Variants in L2HGDH observed in about 807,000 individuals in gnomAD.
The protein encoded by L2HGDH is L-2-hydroxyglutarate dehydrogenase.
In L2HGDH, 34 loss-of-function variants were observed where a neutral mutation model predicts 51.5. The ratio of observed to expected loss-of-function variants is 0.66; its 90% CI spans 0.50 to 0.88. L2HGDH has a LOEUF of 0.88. Ranked by LOEUF, L2HGDH falls within the 40% of genes least tolerant of loss-of-function variation. The pLI is 0.00. For synonymous variants in L2HGDH, 198 were observed against 197.9 expected, an observed-to-expected ratio of 1.00 and a Z score of -0.01; for missense variants, 558 against 571.9, an observed-to-expected ratio of 0.98 and a Z score of 0.25.
At chr14:50,301,684 T>C (rs772294445) in intron 3 of L2HGDH, among the ~76,000 whole-genome samples, 11 of 152,160 alleles carry the variant, frequency 7.2e-5, no homozygotes, top group Non-Finnish European at 1.0e-4. Flanking sequence ...AAATGGGAAG[T>C]GACTGCTAAT....
chr14:50,244,764 G>C lies in L2HGDH; in HGVS notation c.*2294C>G, dbSNP rs1262381410. The C allele has an allele frequency of 1.0e-6, 1 of 985,228 alleles. No homozygotes were observed. Among genetic ancestry groups the C allele is most frequent in the Non-Finnish European group, 1.2e-6 (1 of 829,912 alleles). The allele number at this position is 985,228 out of a possible 1,614,324, so 61.0% of individuals were successfully genotyped here. On this transcript the variant is annotated 3_prime_UTR_variant, in exon 10 of 10. Transcript: ENST00000267436. ...TCAATGCTTGAAGTGAGGGGAAAAGGAAGAAAACAGAAACATTTTTCCTAT... is the reference window on the plus strand; with the variant it reads ...TCAATGCTTGAAGTGAGGGGAAAAGCAAGAAAACAGAAACATTTTTCCTAT...
chr14:50,268,970 T>G (rs1889509850), intron 7 of L2HGDH, among the ~76,000 whole-genome samples, 193 bp downstream of exon 7: 1 of 152,122 alleles, frequency 6.6e-6, no homozygotes, highest in Admixed American at 6.6e-5. Flanking sequence ...TGCAGGCAAT[T>G]AATTACAATT....
In L2HGDH at chr14:50,294,251, A is replaced by C. The variant is rs1047888129; in HGVS notation, c.409-5T>G. Reference sequence around the variant, plus strand: ...TTGTTCAACAGCTACTATAAGCTTCAAAAAAAAAAAGGTAAGGAGCATGGA... The same window carrying C: ...TTGTTCAACAGCTACTATAAGCTTCCAAAAAAAAAAGGTAAGGAGCATGGA... On this transcript the variant is annotated splice_region_variant and splice_polypyrimidine_tract_variant and intron_variant, in intron 3 of 9. Coordinates refer to ENST00000267436, the MANE Select transcript of L2HGDH (RefSeq NM_024884.3). The C allele has an allele frequency of 1.1e-6, 1 of 889,416 alleles. No individual in the cohort carries two copies. Among genetic ancestry groups the C allele is most frequent in the Non-Finnish European group, 1.6e-6 (1 of 631,898 alleles). 55.1% of individuals were successfully genotyped at this position (889,416 alleles called of 1,614,324 possible).
At chr14:50,311,883 A>T in intron 1 of L2HGDH, 128 bp downstream of exon 1, 1 of 1,251,722 alleles carries the variant, frequency 8.0e-7, no homozygotes, top group Non-Finnish European at 1.1e-6. Context: ...CCGAGGTTGG[A>T]GTGCCACAGG....
chr14:50,247,563 A>G (rs1451995962), intron 9 of L2HGDH, among the ~76,000 whole-genome samples: 1 of 152,244 alleles, frequency 6.6e-6, no homozygotes, highest in Non-Finnish European at 1.5e-5. Context: ...ACACTTAATT[A>G]GAACAGGTAT....
At chr14:50,254,893 T>C (rs1888570671) in intron 9 of L2HGDH, among the ~76,000 whole-genome samples, 1 of 151,132 alleles carries the variant, frequency 6.6e-6, no homozygotes, top group Admixed American at 6.6e-5. Flanking sequence ...AAAAAATCAA[T>C]CAGGCGTGGT....
intron 8 of L2HGDH, among the ~76,000 whole-genome samples, chr14:50,266,441 G>A (rs761458888): frequency 2.0e-5 from 3 of 152,096 alleles, no homozygotes; most frequent in Non-Finnish European, 4.4e-5. Flanking sequence ...CCAGGAGTTC[G>A]AGACCAGGCT....
rs371123059 is a variant in L2HGDH at position 50,302,990 on chromosome 14, G to A, written c.168C>T (p.Gly56=). 2.4e-5 allele frequency: 38 copies of A among 1,612,644 alleles called. No individual in the cohort carries two copies. Among genetic ancestry groups the A allele is most frequent in the African/African-American group, 1.9e-4 (14 of 74,854 alleles). ...TGGCAGAGGCAAGCCCCACAATTCC[G>A]CCACCAACGATGACTATATCAAATG... ...TSSFDIVIVG[G]GIVGLASARA... Residue 56 remains glycine (G), a synonymous_variant, in exon 2 of 10, where the codon GGC becomes GGT. Transcript: ENST00000267436.
Position 50,276,462 on chromosome 14 carries a change from G to GCC in L2HGDH, c.738+2056_738+2057dup, listed in dbSNP as rs57430595. Among the ~76,000 whole-genome samples the GCC allele has an allele frequency of 1.6e-3, 245 of 150,434 alleles. 2 individuals are homozygous for GCC. The highest frequency in any genetic ancestry group is 6.9e-3 in the East Asian group (35 of 5,090). ...TTCCCATTGCTATAGATTGAATTGT[G>GCC]CCCCCCCCACCCCAATTCATATGTT... On this transcript the variant is annotated intron_variant, in intron 6 of 9. Coordinates refer to ENST00000267436, the MANE Select transcript of L2HGDH (RefSeq NM_024884.3).
chr14:50,248,588 TAG>T (rs1888145261), intron 9 of L2HGDH, among the ~76,000 whole-genome samples: 1 of 152,208 alleles, frequency 6.6e-6, no homozygotes, highest in Non-Finnish European at 1.5e-5. Flanking sequence ...TATTCATTCG[TAG>T]AGAGGTAAAT....
chr14:50,294,053 C>G, intron 4 of L2HGDH, 62 bp downstream of exon 4: 12 of 1,577,386 alleles, frequency 7.6e-6, no homozygotes, highest in Non-Finnish European at 1.0e-5. Context: ...ATACACTCAC[C>G]CTCAGCCTCC....
chr14:50,286,647 T>C (rs1394209281), intron 4 of L2HGDH, among the ~76,000 whole-genome samples: 2 of 152,226 alleles, frequency 1.3e-5, no homozygotes, highest in African/African-American at 2.4e-5. Context: ...TTCTACTATA[T>C]ATTGCCATCC....
At chr14:50,264,774 G>A (rs1889240541) in intron 9 of L2HGDH, among the ~76,000 whole-genome samples, 2 of 152,094 alleles carry the variant, frequency 1.3e-5, no homozygotes. Context: ...GATAACTATT[G>A]GGTACTGGGC....
At chr14:50,252,542 C>G (rs11628296) in intron 9 of L2HGDH, among the ~76,000 whole-genome samples, 1 of 151,392 alleles carries the variant, frequency 6.6e-6, no homozygotes, top group Non-Finnish European at 1.5e-5. Context: ...ACTTACTTCA[C>G]CTATAAAGAT....
intron 1 of L2HGDH, among the ~76,000 whole-genome samples, chr14:50,310,983 G>A (rs1219811763): frequency 2.6e-5 from 3 of 115,302 alleles, no homozygotes; most frequent in African/African-American, 1.0e-4. Context: ...TTGCTCTGTC[G>A]CCCAGGCTGG....
chr14:50,283,515 A>G (rs1890391180), intron 5 of L2HGDH, among the ~76,000 whole-genome samples: 2 of 152,098 alleles, frequency 1.3e-5, no homozygotes, highest in Admixed American at 6.5e-5. Context: ...AAATCAATAT[A>G]AGTACAGCTG....
intron 8 of L2HGDH, among the ~76,000 whole-genome samples, chr14:50,267,114 T>C (rs1307965721): frequency 1.3e-5 from 2 of 152,014 alleles, no homozygotes; most frequent in Non-Finnish European, 2.9e-5. Context: ...GCCAGATATA[T>C]GAATAACTCT....
At chr14:50,257,232 T>C (rs1235312373) in intron 9 of L2HGDH, among the ~76,000 whole-genome samples, 7 of 151,998 alleles carry the variant, frequency 4.6e-5, no homozygotes, top group Non-Finnish European at 1.0e-4. Context: ...CCCAACCCCA[T>C]GTCTTTTAAT....
At chr14:50,263,471 G>T (rs984312431) in intron 9 of L2HGDH, among the ~76,000 whole-genome samples, 1 of 152,308 alleles carries the variant, frequency 6.6e-6, no homozygotes, top group Admixed American at 6.5e-5. Flanking sequence ...GCTCCCCTAA[G>T]AGAGACAGCT....
Sources: gnomAD v4.1 joint callset for allele counts (sites outside exome capture counted in the v4.1 genomes callset) on GRCh38, gnomAD v4.1.1 for gene constraint, MANE v1.5 for transcripts, NCBI Gene and HGNC (gene_info 2026-07-23, HGNC 2026-07-21) for gene names.